NME7: variants seen among roughly 807,000 people sequenced by gnomAD.
NME7 encodes NME/NM23 family member 7, also known as nucleoside diphosphate kinase 7.
In NME7, 41 loss-of-function variants were observed where a neutral mutation model predicts 49.1. That is an observed-to-expected ratio of 0.83 (90% CI 0.65 to 1.08). NME7 has a LOEUF of 1.08. NME7 is among the 50% of genes least tolerant of loss of function. The pLI, the probability that NME7 is intolerant of heterozygous loss-of-function variation, is 0.00. For missense variants in NME7, 423 were observed against 463.4 expected, an observed-to-expected ratio of 0.91 and a Z score of 0.80; for synonymous variants, 139 against 150.6, an observed-to-expected ratio of 0.92 and a Z score of 0.56.
chr1:169,251,623 A>C (rs201859851), intron 7 of NME7, among the ~76,000 whole-genome samples: 102 of 144,970 alleles, frequency 7.0e-4, no homozygotes, highest in Admixed American at 5.3e-3. Flanking sequence ...GGTTAGTTAC[A>C]TATGTATACA....
At chr1:169,156,017 C>T (rs895383541) in intron 11 of NME7, among the ~76,000 whole-genome samples, 14 of 151,910 alleles carry the variant, frequency 9.2e-5, no homozygotes, top group South Asian at 2.1e-4. Flanking sequence ...CCCAGCAATC[C>T]GTATTTTTAA....
rs112272443 is a variant in NME7, at chr1:169,311,768, T to C, written c.279-1688A>G. ...ACATGGCAGTAGTCATCAATGTCTA[T>C]AAACAAGAAGCAATGTGAAAAGTCT... On this transcript the variant is annotated intron_variant, in intron 3 of 11. Coordinates refer to ENST00000367811, the MANE Select transcript of NME7 (RefSeq NM_013330.5). Among the ~76,000 whole-genome samples, 870 of 152,308 alleles carry C rather than the reference T, an allele frequency of 5.7e-3. 7 individuals are homozygous for C. Among genetic ancestry groups the C allele is most frequent in the African/African-American group, 0.02 (833 of 41,572 alleles).
At chr1:169,137,721 A>T (rs890151979) in intron 11 of NME7, among the ~76,000 whole-genome samples, 6 of 152,238 alleles carry the variant, frequency 3.9e-5, no homozygotes, top group African/African-American at 1.4e-4. Flanking sequence ...CTCCCAAAAT[A>T]TGGGGCTCAG....
chr1:169,324,125 G>C (rs932546121), intron 2 of NME7, among the ~76,000 whole-genome samples: 2 of 151,910 alleles, frequency 1.3e-5, no homozygotes, highest in Non-Finnish European at 2.9e-5. Flanking sequence ...AAAGTGCTGG[G>C]ATTACAGGCA....
intron 9 of NME7, among the ~76,000 whole-genome samples, chr1:169,232,997 C>T (rs1272732889): frequency 7.1e-6 from 1 of 140,624 alleles, no homozygotes; most frequent in Non-Finnish European, 1.5e-5. Context: ...TGGCTCACTG[C>T]AACCTCAGCC....
intron 10 of NME7, among the ~76,000 whole-genome samples, chr1:169,210,514 G>T (rs960842883): frequency 3.9e-5 from 6 of 152,074 alleles, no homozygotes; most frequent in African/African-American, 1.4e-4. Context: ...TAGAAACTAT[G>T]TTCTAAGTTT....
Position 169,342,953 on chromosome 1 carries a change from G to GTA in NME7, c.4-18455_4-18454dup, listed in dbSNP as rs66848452. 3.7e-3 allele frequency among the ~76,000 whole-genome samples: 151 copies of GTA among 40,298 alleles called. 21 individuals are homozygous for GTA. Among genetic ancestry groups the GTA allele is most frequent in the South Asian group, 0.014 (27 of 1,894 alleles). The allele number at this position is 40,298 out of a possible 152,430, so 26.4% of individuals were successfully genotyped here. ...CAAGTACATATATATACTTGTATTA[G>GTA]TATATATATATATATATACAAGTAC... On this transcript the variant is annotated intron_variant, in intron 1 of 11. Coordinates refer to ENST00000367811, the MANE Select transcript of NME7 (RefSeq NM_013330.5).
At chr1:169,221,805 G>A (rs1035187712) in intron 10 of NME7, among the ~76,000 whole-genome samples, 1 of 151,912 alleles carries the variant, frequency 6.6e-6, no homozygotes, top group South Asian at 2.1e-4. Flanking sequence ...GCTCACTGCA[G>A]CCTTAACCTA....
At position 169,298,362 on chromosome 1, in the gene NME7, T is replaced by C. The variant is rs141216207; in HGVS notation, c.648+194A>G. On this transcript the variant is annotated intron_variant, in intron 6 of 11. Transcript: ENST00000367811. ...AATTGGAGAAAACTTACGTTGATCA[T>C]GATCAGGTTACCAGTTCACAAAGGA... 8.1e-4 allele frequency among the ~76,000 whole-genome samples: 123 copies of C among 152,306 alleles called. 1 individual carries two copies. The highest frequency in any genetic ancestry group is 2.8e-3 in the African/African-American group (117 of 41,572).
chr1:169,243,459 T>A (rs1648175533), intron 7 of NME7, among the ~76,000 whole-genome samples: 1 of 152,156 alleles, frequency 6.6e-6, no homozygotes, highest in Non-Finnish European at 1.5e-5. Context: ...TTACACATAA[T>A]CCTCACAACG....
At chr1:169,263,328 T>C (rs1649221615) in intron 7 of NME7, among the ~76,000 whole-genome samples, 1 of 133,844 alleles carries the variant, frequency 7.5e-6, no homozygotes, top group East Asian at 2.0e-4. Context: ...CAGAAGAATG[T>C]TGAAACCCAA....
intron 1 of NME7, among the ~76,000 whole-genome samples, chr1:169,337,659 A>C (rs907217552): frequency 6.6e-6 from 1 of 152,194 alleles, no homozygotes; most frequent in Non-Finnish European, 1.5e-5. Flanking sequence ...GATCATTAAA[A>C]ATGTATTATC....
chr1:169,268,778 CCTT>C (rs1649396285), intron 7 of NME7, among the ~76,000 whole-genome samples: 1 of 131,524 alleles, frequency 7.6e-6, no homozygotes, highest in Non-Finnish European at 1.8e-5. Context: ...GACACTGGAG[CCTT>C]CTTAAGGGTG....
chr1:169,342,073 T>C (rs1652727374), intron 1 of NME7, among the ~76,000 whole-genome samples: 1 of 152,074 alleles, frequency 6.6e-6, no homozygotes, highest in African/African-American at 2.4e-5. Flanking sequence ...GACATGAGAT[T>C]TGGGAGGGGC....
At chr1:169,336,092 G>A (rs1331553531) in intron 1 of NME7, among the ~76,000 whole-genome samples, 2 of 151,936 alleles carry the variant, frequency 1.3e-5, no homozygotes, top group East Asian at 3.9e-4. Flanking sequence ...GTGGGTTCGT[G>A]GTCTCGCTGG....
chr1:169,232,562 G>T (rs910884327), intron 9 of NME7, among the ~76,000 whole-genome samples: 4 of 151,694 alleles, frequency 2.6e-5, no homozygotes, highest in South Asian at 2.1e-4. Flanking sequence ...GTGTTGGGGG[G>T]GGGGCAGGGG....
At chr1:169,211,429 T>C (rs1477912193) in intron 10 of NME7, among the ~76,000 whole-genome samples, 3 of 152,156 alleles carry the variant, frequency 2.0e-5, no homozygotes, top group Admixed American at 2.0e-4. Context: ...GTAATCATGA[T>C]ATAGGAAATA....
At chr1:169,160,440 G>A (rs865967870) in intron 11 of NME7, among the ~76,000 whole-genome samples, 1 of 151,852 alleles carries the variant, frequency 6.6e-6, no homozygotes, top group Non-Finnish European at 1.5e-5. Flanking sequence ...TTCAAACTTT[G>A]TCTACTATCT....
At chr1:169,304,836 T>C (rs1316641561) in intron 4 of NME7, among the ~76,000 whole-genome samples, 2 of 152,126 alleles carry the variant, frequency 1.3e-5, no homozygotes, top group East Asian at 1.9e-4. Flanking sequence ...TTCTAGAGGG[T>C]AAAGAGAAAA....
Sources: allele counts gnomAD v4.1 joint callset (sites outside exome capture counted in the v4.1 genomes callset), GRCh38; gene constraint gnomAD v4.1.1; transcripts MANE v1.5; gene names NCBI Gene and HGNC (gene_info 2026-07-23, HGNC 2026-07-21).